RMND5A: variants seen among roughly 807,000 people sequenced by gnomAD.
RMND5A encodes required for meiotic nuclear division 5 homolog A, also known as E3 ubiquitin-protein transferase RMND5A.
A neutral mutation model predicts 49.7 loss-of-function variants in RMND5A; 17 were observed. That is an observed-to-expected ratio of 0.34 (90% CI 0.23 to 0.51). The LOEUF is 0.51. RMND5A is among the 20% of genes least tolerant of loss of function. RMND5A has a pLI of 0.96. For missense variants in RMND5A, 255 were observed against 471.3 expected (o/e 0.54, Z 4.25); for synonymous variants, 156 against 167.7 (o/e 0.93, Z 0.54).
chr2:86,773,457 G>T lies in RMND5A; in HGVS notation c.*46G>T, dbSNP rs75434387. 2 of 1,222,210 alleles carry T rather than the reference G, an allele frequency of 1.6e-6. No homozygotes were observed. Among genetic ancestry groups the T allele is most frequent in the Non-Finnish European group, 2.4e-6 (2 of 823,794 alleles). The allele number at this position is 1,222,210 out of a possible 1,614,324, so 75.7% of individuals were successfully genotyped here. ...ATTTGTAAGTGAAACTGAATCGTGG[G>T]TGCATTTCAGAAGAGAACGTTCCAT... On this transcript the variant is annotated 3_prime_UTR_variant, in exon 9 of 9. Transcript: ENST00000283632.
In RMND5A at chr2:86,732,527, G is replaced by A. The variant is rs549038476; in HGVS notation, c.143-8400G>A. Among the ~76,000 whole-genome samples, 693 of 145,308 alleles carry A rather than the reference G, an allele frequency of 4.8e-3. 36 individuals are homozygous for A. The highest frequency in any genetic ancestry group is 0.018 in the African/African-American group (640 of 36,462). ...CAGTAGGGAAGAAAGTAAAACAAAT[G>A]TATGTACAAAATGCTAAAAGTGTAT... On this transcript the variant is annotated intron_variant, in intron 1 of 8. Transcript: ENST00000283632.
At chr2:86,757,338 T>A (rs1011761800) in intron 4 of RMND5A, among the ~76,000 whole-genome samples, 2 of 152,166 alleles carry the variant, frequency 1.3e-5, no homozygotes, top group Non-Finnish European at 2.9e-5. Context: ...CCCTTGTACC[T>A]CTGAGTTTGT....
Position 86,770,031 on chromosome 2 carries a change from C to T in RMND5A, c.863C>T (p.Ala288Val). The stretch of plus-strand genomic sequence containing the variant: ...CTCTTCTGCTCTCCCAGTTTCTCAG[C>T]AGGTTGTGTGGCGCTGCCAGCTTTA... The part of the protein sequence containing the change: ...VESPLSVSFS[A>V]GCVALPALIN... Residue 288 changes from alanine (A) to valine (V), a missense_variant, in exon 7 of 9, where the codon GCA becomes GTA. Around this residue, in one of 3 missense-constraint regions of RMND5A, gnomAD observed 208 missense variants for 339.8 expected, o/e 0.61. Transcript: ENST00000283632. The T allele has an allele frequency of 3.7e-6, 6 of 1,613,422 alleles. No homozygotes were observed. The highest frequency in any genetic ancestry group is 5.1e-6 in the Non-Finnish European group (6 of 1,179,436).
At chr2:86,753,293 T>C (rs1681668602) in intron 3 of RMND5A, among the ~76,000 whole-genome samples, 165 bp from the exon 4 acceptor site, 1 of 152,204 alleles carries the variant, frequency 6.6e-6, no homozygotes, top group Non-Finnish European at 1.5e-5. Context: ...GATTCTACTA[T>C]GGAAAAGAGG....
Position 86,765,094 on chromosome 2 carries a change from C to T in RMND5A, c.589C>T (p.Leu197=), listed in dbSNP as rs760429845. The change falls in exon 5 of 9, where the codon CTG becomes TTG. Residue 197 remains leucine (L), a synonymous_variant. Coordinates refer to ENST00000283632, the MANE Select transcript of RMND5A (RefSeq NM_022780.4). The part of the protein sequence containing the change: ...NSSLEFKLHR[L]YFISLLMGGT... Reference sequence around the variant, plus strand: ...CTCCTTGGAATTTAAGCTACACAGACTGTATTTTATTAGCTTGTTAATGGG... The same window carrying T: ...CTCCTTGGAATTTAAGCTACACAGATTGTATTTTATTAGCTTGTTAATGGG... 1 of 1,613,940 alleles carries T rather than the reference C, an allele frequency of 6.2e-7. No individual in the cohort carries two copies. Among genetic ancestry groups the T allele is most frequent in the Non-Finnish European group, 8.5e-7 (1 of 1,179,964 alleles).
intron 6 of RMND5A, among the ~76,000 whole-genome samples, chr2:86,768,662 A>C (rs183150402): frequency 1.4e-4 from 22 of 152,288 alleles, no homozygotes; most frequent in Middle Eastern, 3.4e-3. Context: ...TTGTACCCTC[A>C]CATGGAGCAA....
intron 2 of RMND5A, among the ~76,000 whole-genome samples, chr2:86,749,744 G>A (rs1421911489): frequency 6.6e-6 from 1 of 152,080 alleles, no homozygotes; most frequent in Non-Finnish European, 1.5e-5. Flanking sequence ...TCTGTGAAAA[G>A]GAAATGAATA....
intron 4 of RMND5A, among the ~76,000 whole-genome samples, chr2:86,763,700 C>T (rs571839653): frequency 3.3e-5 from 5 of 151,916 alleles, no homozygotes; most frequent in South Asian, 2.1e-4. Flanking sequence ...CACTTGAGCC[C>T]GAGAGGCTGA....
rs1341098868 is a variant in RMND5A at position 86,751,839 on chromosome 2, T to A, written c.286-57T>A. 3 of 1,540,872 alleles carry A rather than the reference T, an allele frequency of 1.9e-6. No individual in the cohort carries two copies. In the African/African-American group the frequency reaches 4.1e-5, roughly 21 times the overall value. The stretch of plus-strand genomic sequence containing the variant: ...ACTGAAACAAAGACCATTTTTTTCC[T>A]GTTAAGTGGGGTGAAAATAATCTAT... On this transcript the variant is annotated intron_variant, in intron 2 of 8. Coordinates refer to ENST00000283632, the MANE Select transcript of RMND5A (RefSeq NM_022780.4).
chr2:86,770,629 A>G (rs1426883319), intron 7 of RMND5A, among the ~76,000 whole-genome samples: 2 of 152,316 alleles, frequency 1.3e-5, no homozygotes, highest in East Asian at 3.9e-4. Flanking sequence ...GGAAAGGACC[A>G]TGGTTTTAAA....
intron 7 of RMND5A, among the ~76,000 whole-genome samples, chr2:86,770,939 A>G (rs1205373509): frequency 1.3e-5 from 2 of 152,174 alleles, no homozygotes; most frequent in African/African-American, 2.4e-5. Flanking sequence ...AAAAGCTAAC[A>G]TACGCATTTG....
chr2:86,771,767 G>C (rs2104413179), intron 8 of RMND5A, 55 bp downstream of exon 8: 1 of 1,447,480 alleles, frequency 6.9e-7, no homozygotes, highest in Non-Finnish European at 9.6e-7. Context: ...TTGGAACTTG[G>C]TAGGAGGATA....
At chr2:86,753,399 C>A in intron 3 of RMND5A, 59 bp from the exon 4 acceptor site, 2 of 968,530 alleles carry the variant, frequency 2.1e-6, no homozygotes, top group South Asian at 2.8e-5. Context: ...ATACTTTTAC[C>A]ACTAGCTCCT....
chr2:86,743,077 C>T (rs1194624533), intron 2 of RMND5A, among the ~76,000 whole-genome samples: 1 of 152,168 alleles, frequency 6.6e-6, no homozygotes, highest in Admixed American at 6.5e-5. Context: ...TCTTCTTCTG[C>T]TCTTGTCCTG....
intron 4 of RMND5A, among the ~76,000 whole-genome samples, chr2:86,758,883 T>C (rs1681793746): frequency 6.6e-6 from 1 of 152,258 alleles, no homozygotes; most frequent in Admixed American, 6.5e-5. Flanking sequence ...CTCTGAATTT[T>C]TTTAAGCATT....
In RMND5A at chr2:86,726,862, G is replaced by A. The variant is rs374074326; in HGVS notation, c.142+6053G>A. Among the ~76,000 whole-genome samples, 5 of 76,268 alleles carry A rather than the reference G, an allele frequency of 6.6e-5. 2 individuals carry two copies. In the East Asian group the frequency reaches 5.0e-3, roughly 76 times the overall value. 50.0% of individuals were successfully genotyped at this position (76,268 alleles called of 152,430 possible). A position where few individuals can be genotyped will look rare whatever the true frequency, so the allele number is the denominator to read the frequency against. On this transcript the variant is annotated intron_variant, in intron 1 of 8. Transcript: ENST00000283632. The stretch of plus-strand genomic sequence containing the variant: ...ATCAGGACTGATCTTGTTCTCTTCT[G>A]TCAACTGTTGGCTTTATTTTCAGGG...
At chr2:86,760,227 A>G (rs1403040270) in intron 4 of RMND5A, among the ~76,000 whole-genome samples, 1 of 152,110 alleles carries the variant, frequency 6.6e-6, no homozygotes, top group Non-Finnish European at 1.5e-5. Context: ...TATTTTCAGT[A>G]GAGATGGGGT....
Position 86,753,550 on chromosome 2 carries a change from T to A in RMND5A, c.513T>A (p.Pro171=), listed in dbSNP as rs778548757. ...LEALKVRVLR[P]ALEWAVSNRE... Reference sequence around the variant, plus strand: ...CATTAAAGGTCAGAGTTCTGAGACCTGCTCTGGAGTGAGTATTGAGTTTGC... The same window carrying A: ...CATTAAAGGTCAGAGTTCTGAGACCAGCTCTGGAGTGAGTATTGAGTTTGC... The change falls in exon 4 of 9, where the codon CCT becomes CCA. Residue 171 remains proline, a synonymous_variant. Coordinates refer to ENST00000283632, the MANE Select transcript of RMND5A (RefSeq NM_022780.4). The A allele has an allele frequency of 4.5e-6, 7 of 1,556,908 alleles. No homozygotes were observed. Among genetic ancestry groups the A allele is most frequent in the Admixed American group, 1.7e-5 (1 of 58,556 alleles).
chr2:86,762,908 C>T (rs939249816), intron 4 of RMND5A, among the ~76,000 whole-genome samples: 1 of 150,874 alleles, frequency 6.6e-6, no homozygotes, highest in Admixed American at 6.6e-5. Context: ...GGTGCGGTGG[C>T]GTGCACCTAT....
Sources: gnomAD v4.1 joint callset for allele counts (sites outside exome capture counted in the v4.1 genomes callset) on GRCh38, gnomAD v4.1.1 for gene constraint, gnomAD v4.1.1 regional missense constraint, MANE v1.5 for transcripts, NCBI Gene and HGNC (gene_info 2026-07-23, HGNC 2026-07-21) for gene names.